The following ELAVL2 variants were observed in gnomAD, a reference collection of about 807,000 sequenced individuals.
The protein encoded by ELAVL2 is ELAV-like protein 2.
A neutral mutation model predicts 34.6 loss-of-function variants in ELAVL2; 4 were observed. The observed-to-expected ratio is 0.12, with a 90% confidence interval of 0.06 to 0.26. The LOEUF is 0.26. Ranked by LOEUF, ELAVL2 falls within the 10% of genes least tolerant of loss-of-function variation. ELAVL2 has a pLI of 1.00. For missense variants in ELAVL2, 432 were observed against 442.8 expected (o/e 0.98, Z 0.22); for synonymous variants, 193 against 154.8 (o/e 1.25, Z -1.83).
chr9:23,837,570 T>A, the ELAVL2 span, among the ~76,000 whole-genome samples: 3 of 152,194 alleles, frequency 2.0e-5, no homozygotes, highest in African/African-American at 7.2e-5. Flanking sequence ...TTGCCCAAGA[T>A]AACACAGCTA....
chr9:23,815,210 AAT>A lies in ELAVL2; in HGVS notation c.-16+10594_-16+10595del, dbSNP rs1330885195. ...AAAATTTTGATTTTTCACTGAAAAA[AAT>A]ATGAGAAATTTAAATTAAGAAATTT... is the stretch of plus-strand genomic sequence containing the variant. On this transcript the variant is annotated intron_variant, in intron 1 of 6. Transcript: ENST00000397312. 2.0e-5 allele frequency among the ~76,000 whole-genome samples: 3 copies of A among 152,306 alleles called. No homozygotes were observed. The East Asian group carries it at 5.8e-4, about 29-fold the overall frequency.
the ELAVL2 span, among the ~76,000 whole-genome samples, chr9:23,848,658 AT>A: frequency 2.6e-5 from 4 of 152,326 alleles, no homozygotes; most frequent in African/African-American, 7.2e-5. Flanking sequence ...CAATACAATC[AT>A]TTTTTAAGTT....
intron 3 of ELAVL2, among the ~76,000 whole-genome samples, chr9:23,705,744 G>A (rs374148020): frequency 8.5e-5 from 13 of 152,298 alleles, no homozygotes; most frequent in African/African-American, 3.1e-4. Flanking sequence ...AATCGGACAG[G>A]AGGTGGAGCT....
At chr9:23,823,743 G>T (rs1294929788) in intron 1 of ELAVL2, among the ~76,000 whole-genome samples, 5 of 152,116 alleles carry the variant, frequency 3.3e-5, no homozygotes, top group African/African-American at 1.2e-4. Context: ...CTACCCTTCT[G>T]TTCCCCAAAA....
Position 23,701,611 on chromosome 9 carries a change from T to C in ELAVL2, c.488-7A>G. 3 of 1,611,900 alleles carry C rather than the reference T, an allele frequency of 1.9e-6. No homozygotes were observed. Among genetic ancestry groups the C allele is most frequent in the South Asian group, 1.1e-5 (1 of 90,984 alleles). On this transcript the variant is annotated splice_polypyrimidine_tract_variant and splice_region_variant and intron_variant, in intron 4 of 6. Coordinates refer to ENST00000397312, the MANE Select transcript of ELAVL2 (RefSeq NM_004432.5). ...CCTACACCCCTTGATATGCCTATGG[T>C]AGATTTGAGTAAAGATTTGGAAAAG...
the ELAVL2 span, among the ~76,000 whole-genome samples, chr9:23,839,411 C>T: frequency 3.4e-4 from 51 of 152,084 alleles, 1 homozygote; most frequent in Non-Finnish European, 5.7e-4. Context: ...AATCAATTTT[C>T]GTCCAATTTA....
intron 1 of ELAVL2, among the ~76,000 whole-genome samples, chr9:23,788,592 GTATT>G (rs1180427371): frequency 6.6e-6 from 1 of 152,124 alleles, no homozygotes; most frequent in South Asian, 2.1e-4. Flanking sequence ...ATCTCTCAGC[GTATT>G]TAGTTTTCTT....
intron 1 of ELAVL2, among the ~76,000 whole-genome samples, chr9:23,803,753 G>A (rs548656335): frequency 6.6e-6 from 1 of 152,182 alleles, no homozygotes; most frequent in Admixed American, 6.5e-5. Context: ...GGTGGGGTGG[G>A]GGGACAAGTC....
chr9:23,774,902 T>A (rs2057949564), intron 1 of ELAVL2, among the ~76,000 whole-genome samples: 1 of 152,162 alleles, frequency 6.6e-6, no homozygotes, highest in Non-Finnish European at 1.5e-5. Flanking sequence ...TGAGATCACA[T>A]GGGATCAAGT....
chr9:23,841,710 A>C, the ELAVL2 span, among the ~76,000 whole-genome samples: 1 of 152,164 alleles, frequency 6.6e-6, no homozygotes, highest in South Asian at 2.1e-4. Flanking sequence ...TTTGAGAATC[A>C]CTATGTATCT....
chr9:23,693,303 C>A (rs1023075585), intron 6 of ELAVL2, 145 bp downstream of exon 6: 2 of 994,138 alleles, frequency 2.0e-6, no homozygotes, highest in Non-Finnish European at 3.0e-6. Flanking sequence ...GTCAATTGTG[C>A]TTCAAAGAGC....
chr9:23,733,918 A>C (rs908715637), intron 2 of ELAVL2, among the ~76,000 whole-genome samples: 15 of 152,172 alleles, frequency 9.9e-5, no homozygotes, highest in African/African-American at 3.6e-4. Context: ...TATATGAGTC[A>C]GTCAAATATC....
chr9:23,738,021 C>G (rs552406030), intron 2 of ELAVL2, among the ~76,000 whole-genome samples: 8 of 152,324 alleles, frequency 5.3e-5, no homozygotes, highest in Non-Finnish European at 1.2e-4. Context: ...TGATATCCTT[C>G]TCTCTCCTCC....
chr9:23,734,367 A>G (rs778868143), intron 2 of ELAVL2, among the ~76,000 whole-genome samples: 2 of 152,210 alleles, frequency 1.3e-5, no homozygotes, highest in Non-Finnish European at 2.9e-5. Context: ...CGGTATTCAG[A>G]TTCTTCTCCT....
chr9:23,743,481 A>C (rs2049772056), intron 2 of ELAVL2, among the ~76,000 whole-genome samples: 1 of 152,176 alleles, frequency 6.6e-6, no homozygotes, highest in Non-Finnish European at 1.5e-5. Context: ...GGCACCATCC[A>C]CATCAGCATG....
chr9:23,731,151 C>G, intron 2 of ELAVL2, 26 bp from the exon 3 acceptor site: 1 of 1,600,366 alleles, frequency 6.2e-7, no homozygotes, highest in Non-Finnish European at 8.5e-7. Context: ...GGGAAAAAGG[C>G]ATATATTAGT....
At chr9:23,753,514 G>C (rs867116095) in intron 2 of ELAVL2, among the ~76,000 whole-genome samples, 1 of 152,078 alleles carries the variant, frequency 6.6e-6, no homozygotes, top group African/African-American at 2.4e-5. Context: ...GGTTGATTTT[G>C]TACTACATCA....
chr9:23,724,446 T>C (rs1167112810), intron 3 of ELAVL2, among the ~76,000 whole-genome samples: 12 of 152,202 alleles, frequency 7.9e-5, no homozygotes, highest in Admixed American at 7.9e-4. Flanking sequence ...GGACAGGACA[T>C]TCAAGCTCTG....
At chr9:23,766,473 T>C (rs1336571630) in intron 1 of ELAVL2, among the ~76,000 whole-genome samples, 2 of 152,110 alleles carry the variant, frequency 1.3e-5, no homozygotes, top group African/African-American at 2.4e-5. Context: ...AATCTAAACA[T>C]TGCTCACTAC....
Sources: gnomAD v4.1 joint callset for allele counts (sites outside exome capture counted in the v4.1 genomes callset) on GRCh38, gnomAD v4.1.1 for gene constraint, MANE v1.5 for transcripts, NCBI Gene and HGNC (gene_info 2026-07-23, HGNC 2026-07-21) for gene names.